Variants in PACRGL observed in about 807,000 individuals in gnomAD.
The protein encoded by PACRGL is parkin coregulated like.
A neutral mutation model predicts 34.5 loss-of-function variants in PACRGL; 38 were observed. That is an observed-to-expected ratio of 1.10 (90% CI 0.85 to 1.44). The LOEUF (loss-of-function observed/expected upper bound fraction) is 1.44, where lower values mean the gene tolerates loss of function less well. Ranked by LOEUF, PACRGL falls within the 40% of genes most tolerant of loss-of-function variation. The pLI is 0.00. For missense variants in PACRGL, 305 were observed against 281.4 expected (o/e 1.08, Z -0.60); for synonymous variants, 128 against 100.1 (o/e 1.28, Z -1.66).
In PACRGL at chr4:20,732,274, TGTG is replaced by T. The variant is rs1357422898; in HGVS notation, c.*4937_*4939del. On this transcript the variant is annotated 3_prime_UTR_variant, in exon 9 of 9. Transcript: ENST00000503585. ...TCTGGCTTTTCCCTTTTCAATATAATGTGGTGAAGATGTAGAGTCACTCTGTCC... is the reference window on the plus strand; with the variant it reads ...TCTGGCTTTTCCCTTTTCAATATAATGTGAAGATGTAGAGTCACTCTGTCC... 8.5e-5 allele frequency among the ~76,000 whole-genome samples: 13 copies of T among 152,306 alleles called. No individual in the cohort carries two copies. The South Asian group carries it at 2.5e-3, about 29-fold the overall frequency.
downstream of PACRGL, chr4:20,734,580 A>C: frequency 1.1e-6 from 1 of 890,428 alleles, no homozygotes; most frequent in Non-Finnish European, 1.7e-6. Context: ...TAAAGTTAAG[A>C]AATGAAAATG....
intron 5 of PACRGL, among the ~76,000 whole-genome samples, chr4:20,710,109 A>G (rs1334637687): frequency 6.6e-6 from 1 of 152,170 alleles, no homozygotes; most frequent in African/African-American, 2.4e-5. Context: ...CAGGGATTAA[A>G]CTGAAAACTG....
At chr4:20,698,274 T>TA (rs1216297584), upstream of PACRGL, among the ~76,000 whole-genome samples, 1 of 152,202 alleles carries the variant, frequency 6.6e-6, no homozygotes, top group Non-Finnish European at 1.5e-5. Context: ...CAGAATCATT[T>TA]ACTATATTGC....
At chr4:20,743,661 AAAACCCTAGAAG>A (rs1751715057) in intron 8 of PACRGL, among the ~76,000 whole-genome samples, 1 of 152,212 alleles carries the variant, frequency 6.6e-6, no homozygotes, top group South Asian at 2.1e-4. Context: ...TAAAACCATA[AAAACCCTAGAAG>A]AAAACCTAGG....
At chr4:20,711,013 C>T (rs1212479866) in intron 5 of PACRGL, among the ~76,000 whole-genome samples, 1 of 151,944 alleles carries the variant, frequency 6.6e-6, no homozygotes, top group East Asian at 1.9e-4. Context: ...CATAGGGAGA[C>T]CCTGTCTCTA....
downstream of PACRGL, among the ~76,000 whole-genome samples, chr4:20,737,013 A>G (rs555585108): frequency 6.6e-6 from 1 of 152,336 alleles, no homozygotes; most frequent in South Asian, 2.1e-4. Context: ...TCTGTGGCCA[A>G]TTGATTTTCG....
chr4:20,713,112 A>AT, intron 6 of PACRGL, 190 bp downstream of exon 6: 2 of 593,092 alleles, frequency 3.4e-6, no homozygotes, highest in Non-Finnish European at 5.5e-6. Flanking sequence ...ACTTGAAGAC[A>AT]TCTTTAGAGG....
chr4:20,763,035 G>A, the PACRGL span, among the ~76,000 whole-genome samples: 10 of 152,058 alleles, frequency 6.6e-5, no homozygotes, highest in Admixed American at 2.0e-4. Flanking sequence ...CACTTATCAC[G>A]AGAACAGCAT....
chr4:20,751,574 C>T (rs554810834), intron 8 of PACRGL, among the ~76,000 whole-genome samples: 2 of 152,088 alleles, frequency 1.3e-5, no homozygotes, highest in African/African-American at 4.8e-5. Flanking sequence ...TTATAATGAG[C>T]TTCATTAAGC....
chr4:20,709,743 A>C lies in PACRGL; in HGVS notation c.336A>C (p.Ser112=), dbSNP rs779352636. 2 of 1,607,940 alleles carry C rather than the reference A, an allele frequency of 1.2e-6. No individual in the cohort carries two copies. Among genetic ancestry groups the C allele is most frequent in the East Asian group, 4.5e-5 (2 of 44,720 alleles). ...LQWECPPESL[S]FDPLLITLAE... ...GGGAATGTCCTCCTGAAAGTCTTTC[A>C]TTTGATCCACTTCTTATTACTTTAG... Residue 112 remains serine, a synonymous_variant, in exon 5 of 9, where the codon TCA becomes TCC. Transcript: ENST00000503585.
the PACRGL span, among the ~76,000 whole-genome samples, chr4:20,765,657 G>A: frequency 6.6e-6 from 1 of 152,310 alleles, no homozygotes; most frequent in Non-Finnish European, 1.5e-5. Context: ...GTATTTAGGA[G>A]CTGGAGGTCT....
chr4:20,754,672 T>C (rs1171252476), downstream of PACRGL, among the ~76,000 whole-genome samples: 2 of 152,234 alleles, frequency 1.3e-5, no homozygotes, highest in African/African-American at 4.8e-5. Flanking sequence ...GAAATAATTG[T>C]TAAGAGTGTA....
intron 3 of PACRGL, among the ~76,000 whole-genome samples, chr4:20,706,048 A>G (rs560904779): frequency 4.7e-4 from 71 of 151,876 alleles, no homozygotes; most frequent in Non-Finnish European, 9.4e-4. Flanking sequence ...TCAGTGTAGT[A>G]TAGTATATAA....
At chr4:20,745,187 T>C (rs958354525) in intron 8 of PACRGL, among the ~76,000 whole-genome samples, 2 of 151,898 alleles carry the variant, frequency 1.3e-5, no homozygotes, top group African/African-American at 4.8e-5. Context: ...TCTGGCCTTT[T>C]TGTTGCTGTG....
At chr4:20,700,940 G>A (rs1448018417) in intron 1 of PACRGL, among the ~76,000 whole-genome samples, 153 bp downstream of exon 1, 2 of 152,060 alleles carry the variant, frequency 1.3e-5, no homozygotes, top group Non-Finnish European at 2.9e-5. Context: ...TGGGAAGGTG[G>A]AAAATAGATT....
intron 8 of PACRGL, among the ~76,000 whole-genome samples, chr4:20,741,062 T>C (rs1750956750): frequency 6.6e-6 from 1 of 152,086 alleles, no homozygotes; most frequent in South Asian, 2.1e-4. Context: ...AGCACCCAGA[T>C]TCATAAAACA....
At position 20,730,048 on chromosome 4, in the gene PACRGL, A is replaced by G. The variant is rs1578396291; in HGVS notation, c.*2707A>G. On this transcript the variant is annotated 3_prime_UTR_variant, in exon 9 of 9. Transcript: ENST00000503585. ...CTTTAAGGGTGGTAGAATAGTTCAC[A>G]TTTGTCTGTTGGATTCAGGATCTAT... The G allele has an allele frequency of 1.3e-6, 2 of 1,597,034 alleles. No homozygotes were observed. Among genetic ancestry groups the G allele is most frequent in the Non-Finnish European group, 8.5e-7 (1 of 1,173,588 alleles).
In PACRGL at chr4:20,731,576, T is replaced by C. The variant is rs1309958097; in HGVS notation, c.*4235T>C. 1 of 985,284 alleles carries C rather than the reference T, an allele frequency of 1.0e-6. No homozygotes were observed. Among genetic ancestry groups the C allele is most frequent in the Non-Finnish European group, 1.2e-6 (1 of 829,908 alleles). The allele number at this position is 985,284 out of a possible 1,614,324, so 61.0% of individuals were successfully genotyped here. Reference sequence around the variant, plus strand: ...TCCACATACACTAAAACAATGACTTTTCTCTTAGAAATCAGATAGAAGCTT... The same window carrying C: ...TCCACATACACTAAAACAATGACTTCTCTCTTAGAAATCAGATAGAAGCTT... On this transcript the variant is annotated 3_prime_UTR_variant, in exon 9 of 9. Transcript: ENST00000503585.
At chr4:20,743,020 CCCTTATAAGGGTGT>C (rs1751531902) in intron 8 of PACRGL, among the ~76,000 whole-genome samples, 2 of 99,016 alleles carry the variant, frequency 2.0e-5, no homozygotes, top group African/African-American at 9.8e-5. Flanking sequence ...ATGTGAAGGA[CCCTTATAAGGGTGT>C]GAAGGACCCT....
Sources: allele counts gnomAD v4.1 joint callset (sites outside exome capture counted in the v4.1 genomes callset), GRCh38; gene constraint gnomAD v4.1.1; transcripts MANE v1.5; gene names NCBI Gene and HGNC (gene_info 2026-07-23, HGNC 2026-07-21).